The following HIRA variants were observed in gnomAD, a reference collection of about 807,000 sequenced individuals.
The protein encoded by HIRA is histone cell cycle regulator, also known as protein HIRA.
Under a neutral mutation model 126.6 loss-of-function variants are expected in HIRA, and 13 were observed. The ratio of observed to expected loss-of-function variants is 0.10; its 90% CI spans 0.07 to 0.16. The LOEUF (loss-of-function observed/expected upper bound fraction) is 0.16. Ranked by LOEUF, HIRA falls within the 10% of genes least tolerant of loss-of-function variation. The pLI is 1.00. For missense variants in HIRA, 834 were observed against 1,314.4 expected, an observed-to-expected ratio of 0.63 and a Z score of 5.65; for synonymous variants, 511 against 520.0, an observed-to-expected ratio of 0.98 and a Z score of 0.24.
At chr22:19,366,235 G>A (rs1293793734) in intron 15 of HIRA, among the ~76,000 whole-genome samples, 2 of 151,942 alleles carry the variant, frequency 1.3e-5, no homozygotes, top group African/African-American at 4.8e-5. Flanking sequence ...GGTGGGGGGC[G>A]CCTGTAGTCC....
intron 15 of HIRA, among the ~76,000 whole-genome samples, chr22:19,370,956 T>C (rs2088959271): frequency 1.3e-5 from 2 of 152,138 alleles, no homozygotes; most frequent in South Asian, 4.1e-4. Flanking sequence ...ACCCAGGATA[T>C]ACAGTCAAGA....
intron 13 of HIRA, among the ~76,000 whole-genome samples, chr22:19,383,317 A>C (rs564607536): frequency 6.7e-4 from 102 of 152,200 alleles, no homozygotes; most frequent in Non-Finnish European, 1.4e-3. Context: ...AAAGAAAAAA[A>C]AAATCAGCCT....
chr22:19,357,670 C>T (rs2088825681), intron 18 of HIRA, among the ~76,000 whole-genome samples: 1 of 152,204 alleles, frequency 6.6e-6, no homozygotes, highest in Non-Finnish European at 1.5e-5. Context: ...TAAGGCACAG[C>T]CACAGGCCCA....
chr22:19,398,162 C>G, intron 5 of HIRA, 75 bp from the exon 6 acceptor site: 3 of 1,005,694 alleles, frequency 3.0e-6, no homozygotes, highest in Non-Finnish European at 4.6e-6. Flanking sequence ...GCCAGTGCCC[C>G]TGGGACCTGG....
intron 1 of HIRA, among the ~76,000 whole-genome samples, chr22:19,411,634 C>T (rs1462363529): frequency 6.6e-6 from 1 of 152,358 alleles, no homozygotes; most frequent in East Asian, 1.9e-4. Flanking sequence ...TACAGTAGCG[C>T]AGTAATATTT....
chr22:19,422,841 T>C (rs999499613), intron 1 of HIRA, among the ~76,000 whole-genome samples: 1 of 152,100 alleles, frequency 6.6e-6, no homozygotes, highest in Non-Finnish European at 1.5e-5. Flanking sequence ...AGACCTGCCC[T>C]CAGTGGAAGC....
At chr22:19,390,621 A>AAAAAAAAAAAAAAAAAAAAAAAAAC in intron 9 of HIRA, among the ~76,000 whole-genome samples, 1 of 149,008 alleles carries the variant, frequency 6.7e-6, no homozygotes, top group Non-Finnish European at 1.5e-5. Flanking sequence ...AAAAAAAAAA[A>AAAAAAAAAAAAAAAAAAAAAAAAAC]AAAAAAGAAG....
rs554618808 is a variant in HIRA at position 19,424,878 on chromosome 22, A to T, written c.37+6562T>A. ...CAGCTTCAGGGTGCATTAATTTAGC[A>T]ACTTAAAGAGACGTGTCCCTCTGTC... is the stretch of plus-strand genomic sequence containing the variant. On this transcript the variant is annotated intron_variant, in intron 1 of 24. Coordinates refer to ENST00000263208, the MANE Select transcript of HIRA (RefSeq NM_003325.4). Among the ~76,000 whole-genome samples the T allele has an allele frequency of 3.3e-5, 5 of 152,292 alleles. No homozygotes were observed. In the South Asian group the frequency reaches 1.0e-3, roughly 32 times the overall value.
chr22:19,411,792 G>C (rs1178464581), intron 1 of HIRA, among the ~76,000 whole-genome samples: 1 of 152,214 alleles, frequency 6.6e-6, no homozygotes, highest in African/African-American at 2.4e-5. Context: ...AGAGTCACCA[G>C]CCCTAGAATC....
chr22:19,372,172 C>G (rs1277601113), intron 15 of HIRA, among the ~76,000 whole-genome samples: 1 of 152,184 alleles, frequency 6.6e-6, no homozygotes, highest in Admixed American at 6.5e-5. Flanking sequence ...GCTTTCATGT[C>G]CTTCAAGACT....
In HIRA at chr22:19,394,480, G is replaced by A. The variant is rs2089207125; in HGVS notation, c.684C>T (p.Leu228=). 6.2e-6 allele frequency: 10 copies of A among 1,614,038 alleles called. No homozygotes were observed. Among genetic ancestry groups the A allele is most frequent in the Non-Finnish European group, 8.5e-6 (10 of 1,180,034 alleles). The change falls in exon 8 of 25, where the codon CTC becomes CTT. Residue 228 remains leucine, a synonymous_variant. Coordinates refer to ENST00000263208, the MANE Select transcript of HIRA (RefSeq NM_003325.4). ...ECGGTTHVLR[L]SWSPDGHYLV... is the part of the protein sequence containing the mutation. ...GGTAATGCCCATCAGGTGACCAGCT[G>A]AGCCGCAACACATGGGTCGTTCCTC...
At chr22:19,417,029 A>G (rs5748194) in intron 1 of HIRA, among the ~76,000 whole-genome samples, 20,035 of 151,720 alleles carry the variant, frequency 0.13, 2,715 homozygotes, top group African/African-American at 0.35. Flanking sequence ...GTGAAACCCC[A>G]TCTCTTCTAA....
intron 5 of HIRA, among the ~76,000 whole-genome samples, chr22:19,402,886 G>A (rs1333558788): frequency 6.6e-6 from 1 of 151,492 alleles, no homozygotes; most frequent in Non-Finnish European, 1.5e-5. Context: ...TGGGAGGATC[G>A]CTTGAGCCCA....
intron 1 of HIRA, among the ~76,000 whole-genome samples, chr22:19,423,609 G>C (rs1372267617): frequency 6.6e-6 from 1 of 152,032 alleles, no homozygotes; most frequent in Non-Finnish European, 1.5e-5. Flanking sequence ...AGCAGACCTG[G>C]AGTCTGCTCC....
At chr22:19,430,774 T>A (rs1056715835) in intron 1 of HIRA, among the ~76,000 whole-genome samples, 11 of 152,084 alleles carry the variant, frequency 7.2e-5, no homozygotes, top group Admixed American at 7.2e-4. Flanking sequence ...AGATATGGGG[T>A]GGATGAGTCC....
intron 10 of HIRA, 96 bp from the exon 11 acceptor site, chr22:19,387,912 A>G (rs2089141202): frequency 2.2e-6 from 1 of 463,316 alleles, no homozygotes; most frequent in Non-Finnish European, 3.4e-6. Context: ...GCAGTGTTCT[A>G]GGGAGATGCT....
chr22:19,361,738 G>A lies in HIRA; in HGVS notation c.1969C>T (p.Leu657=). 6.2e-7 allele frequency: 1 copy of A among 1,612,440 alleles called. No individual in the cohort carries two copies. Among genetic ancestry groups the A allele is most frequent in the Non-Finnish European group, 8.5e-7 (1 of 1,180,014 alleles). ...CCCACTGGCCTCACCTGGACAGACA[G>A]AGACACAGGCATGAGACGAGAGTCC... ...RKDSRLMPVS[L]SVQSPAALTA... is the part of the protein sequence containing the mutation. Residue 657 remains leucine, a synonymous_variant, in exon 16 of 25, where the codon CTG becomes TTG. Coordinates refer to ENST00000263208, the MANE Select transcript of HIRA (RefSeq NM_003325.4).
Position 19,356,303 on chromosome 22 carries a change from G to C in HIRA, c.2397-15C>G. On this transcript the variant is annotated splice_polypyrimidine_tract_variant and intron_variant, in intron 19 of 24. Transcript: ENST00000263208. ...TGTGAACATCCCTAGGAGGGAGACA[G>C]GGAACAGTTTACTCACCAACCCAGG... The C allele has an allele frequency of 6.2e-7, 1 of 1,612,926 alleles. No homozygotes were observed. The highest frequency in any genetic ancestry group is 8.5e-7 in the Non-Finnish European group (1 of 1,179,028).
chr22:19,333,366 A>G (rs1556005075), intron 24 of HIRA, among the ~76,000 whole-genome samples: 1 of 152,228 alleles, frequency 6.6e-6, no homozygotes, highest in Non-Finnish European at 1.5e-5. Flanking sequence ...TATGCTAAGA[A>G]ATTTGAACAT....
Sources: gnomAD v4.1 joint callset for allele counts (sites outside exome capture counted in the v4.1 genomes callset) on GRCh38, gnomAD v4.1.1 for gene constraint, MANE v1.5 for transcripts, NCBI Gene and HGNC (gene_info 2026-07-23, HGNC 2026-07-21) for gene names.